Variants in RORA observed in about 807,000 individuals in gnomAD.
The protein encoded by RORA is RAR related orphan receptor A.
In RORA, 7 loss-of-function variants were observed where a neutral mutation model predicts 69.5. The ratio of observed to expected loss-of-function variants is 0.10; its 90% CI spans 0.06 to 0.19. The LOEUF (loss-of-function observed/expected upper bound fraction) is 0.19, where lower values mean the gene tolerates loss of function less well. Among genes scored for constraint, RORA ranks in the 10% least tolerant of loss-of-function variants. The pLI is 1.00. For missense variants in RORA, 457 were observed against 663.0 expected (o/e 0.69, Z 3.41); for synonymous variants, 261 against 240.8 (o/e 1.08, Z -0.78).
At chr15:60,803,274 C>T (rs1193002870) in intron 1 of RORA, among the ~76,000 whole-genome samples, 1 of 152,196 alleles carries the variant, frequency 6.6e-6, no homozygotes, top group African/African-American at 2.4e-5. Flanking sequence ...TGAGCTTCGG[C>T]CCCTTCGGAC....
intron 3 of RORA, among the ~76,000 whole-genome samples, chr15:60,521,476 G>A (rs1470447777): frequency 6.6e-6 from 1 of 152,088 alleles, no homozygotes; most frequent in Non-Finnish European, 1.5e-5. Context: ...TCTTGACCCC[G>A]TGATTCGCCT....
At chr15:60,784,365 G>C (rs2072306833) in intron 1 of RORA, among the ~76,000 whole-genome samples, 1 of 152,138 alleles carries the variant, frequency 6.6e-6, no homozygotes, top group Non-Finnish European at 1.5e-5. Flanking sequence ...CCATTCAATG[G>C]GGGAGATGGA....
At chr15:61,183,392 G>A (rs980337233) in intron 1 of RORA, among the ~76,000 whole-genome samples, 4 of 152,140 alleles carry the variant, frequency 2.6e-5, no homozygotes, top group African/African-American at 9.7e-5. Flanking sequence ...AAAATTAGCT[G>A]GGTGTGGTGG....
chr15:60,572,888 A>G (rs1158326177), intron 2 of RORA, among the ~76,000 whole-genome samples: 1 of 152,230 alleles, frequency 6.6e-6, no homozygotes, highest in Non-Finnish European at 1.5e-5. Context: ...ATTACCAAGC[A>G]TATCTTTAAA....
chr15:60,742,671 T>C (rs1189604959), intron 1 of RORA, among the ~76,000 whole-genome samples: 1 of 152,188 alleles, frequency 6.6e-6, no homozygotes, highest in Non-Finnish European at 1.5e-5. Flanking sequence ...ACTATTCTCC[T>C]CTTTGCTTCT....
At chr15:60,774,543 C>G (rs1053575564) in intron 1 of RORA, among the ~76,000 whole-genome samples, 2 of 152,178 alleles carry the variant, frequency 1.3e-5, no homozygotes, top group African/African-American at 2.4e-5. Flanking sequence ...AGAGAAAGCC[C>G]GTCTCTGGTT....
At chr15:60,638,697 A>G (rs2069884440) in intron 2 of RORA, among the ~76,000 whole-genome samples, 1 of 152,172 alleles carries the variant, frequency 6.6e-6, no homozygotes, top group Admixed American at 6.5e-5. Context: ...TAAAACTGCT[A>G]TTTCTAAAGC....
At chr15:60,864,530 C>A (rs1236047263) in intron 1 of RORA, among the ~76,000 whole-genome samples, 1 of 150,994 alleles carries the variant, frequency 6.6e-6, no homozygotes, top group Non-Finnish European at 1.5e-5. Flanking sequence ...CTGGGACACT[C>A]CAAATGTGAT....
At chr15:60,577,783 T>C (rs897451578) in intron 2 of RORA, among the ~76,000 whole-genome samples, 17 of 152,158 alleles carry the variant, frequency 1.1e-4, no homozygotes, top group Non-Finnish European at 1.5e-5. Context: ...AATAAACACA[T>C]TGCATATTAA....
At chr15:60,936,572 C>T (rs762495896) in intron 1 of RORA, among the ~76,000 whole-genome samples, 6 of 151,636 alleles carry the variant, frequency 4.0e-5, no homozygotes, top group Non-Finnish European at 8.8e-5. Context: ...ACCTAGCCCC[C>T]AAACGGGGAT....
At chr15:61,156,915 G>A (rs2079449123) in intron 1 of RORA, among the ~76,000 whole-genome samples, 1 of 152,158 alleles carries the variant, frequency 6.6e-6, no homozygotes, top group Non-Finnish European at 1.5e-5. Flanking sequence ...AATGAATGGT[G>A]AGAAGGATGT....
chr15:60,913,045 C>T (rs867535235), intron 1 of RORA, among the ~76,000 whole-genome samples: 4 of 152,284 alleles, frequency 2.6e-5, no homozygotes, highest in African/African-American at 7.2e-5. Context: ...GAAAAGGTAT[C>T]ACTGCTTGCC....
intron 1 of RORA, among the ~76,000 whole-genome samples, chr15:61,109,524 C>T (rs1487905678): frequency 6.6e-6 from 1 of 152,180 alleles, no homozygotes; most frequent in African/African-American, 2.4e-5. Flanking sequence ...TCCAGCCCAT[C>T]TTGTTTTCAA....
intron 1 of RORA, among the ~76,000 whole-genome samples, chr15:60,844,513 C>G (rs2073240309): frequency 6.6e-6 from 1 of 152,146 alleles, no homozygotes; most frequent in Non-Finnish European, 1.5e-5. Context: ...CTGCCACGAG[C>G]AAGCCTCCAC....
intron 1 of RORA, among the ~76,000 whole-genome samples, chr15:61,030,714 C>T (rs145648216): frequency 1.3e-5 from 2 of 151,990 alleles, no homozygotes; most frequent in African/African-American, 2.4e-5. Flanking sequence ...TAAGCACATT[C>T]GAGAACTGAA....
At chr15:60,923,515 A>G (rs1421909691) in intron 1 of RORA, among the ~76,000 whole-genome samples, 2 of 152,190 alleles carry the variant, frequency 1.3e-5, no homozygotes, top group East Asian at 3.9e-4. Flanking sequence ...CCTGACACTC[A>G]GAGTCACTTG....
At chr15:60,795,515 C>A (rs2072483553) in intron 1 of RORA, among the ~76,000 whole-genome samples, 1 of 152,220 alleles carries the variant, frequency 6.6e-6, no homozygotes, top group African/African-American at 2.4e-5. Flanking sequence ...AGTCTTTAAA[C>A]TGTATTTCGC....
At chr15:60,582,003 G>A (rs959340491) in intron 2 of RORA, among the ~76,000 whole-genome samples, 27 of 152,082 alleles carry the variant, frequency 1.8e-4, no homozygotes, top group East Asian at 1.2e-3. Context: ...ACTGTGGTAC[G>A]CAATGGTTAA....
At chr15:60,798,989 T>C (rs1012647011) in intron 1 of RORA, among the ~76,000 whole-genome samples, 2 of 151,848 alleles carry the variant, frequency 1.3e-5, no homozygotes, top group Non-Finnish European at 2.9e-5. Context: ...GGGCTGATTA[T>C]TCATGCTCAC....
Sources: allele counts gnomAD v4.1 joint callset (sites outside exome capture counted in the v4.1 genomes callset), GRCh38; gene constraint gnomAD v4.1.1; transcripts MANE v1.5; gene names NCBI Gene and HGNC (gene_info 2026-07-23, HGNC 2026-07-21).